The following CD86 variants were observed in gnomAD, a reference collection of about 807,000 sequenced individuals.
CD86 encodes CD86 molecule.
CD86 carries 11 observed loss-of-function variants against 32.1 expected under a neutral mutation model. The observed-to-expected ratio is 0.34, with a 90% CI of 0.22 to 0.57. The LOEUF is 0.57. Among genes scored for constraint, CD86 ranks in the 20% least tolerant of loss-of-function variants. The pLI is 0.86. For missense variants in CD86, 359 were observed against 398.4 expected (o/e 0.90, Z 0.84); for synonymous variants, 137 against 135.3 (o/e 1.01, Z -0.09).
intron 2 of CD86, among the ~76,000 whole-genome samples, chr3:122,102,096 G>A (rs1322765903): frequency 6.6e-6 from 1 of 152,078 alleles, no homozygotes; most frequent in East Asian, 1.9e-4. Context: ...GGGCCACTCT[G>A]TACACAGTTT....
At chr3:122,088,716 C>T (rs1337933858) in intron 1 of CD86, among the ~76,000 whole-genome samples, 1 of 152,152 alleles carries the variant, frequency 6.6e-6, no homozygotes, top group African/African-American at 2.4e-5. Context: ...AGCTCTTGTT[C>T]CAGTTGTCGA....
chr3:122,106,840 G>GCACACACACACACACACA (rs56759758), intron 4 of CD86, among the ~76,000 whole-genome samples: 1,785 of 143,524 alleles, frequency 0.012, 25 homozygotes, highest in Middle Eastern at 0.031. Flanking sequence ...ACATGCGCTT[G>GCACACACACACACACACA]CACACACACA....
chr3:122,056,288 T>C (rs1453904153), intron 1 of CD86, among the ~76,000 whole-genome samples: 2 of 152,192 alleles, frequency 1.3e-5, no homozygotes, highest in African/African-American at 4.8e-5. Flanking sequence ...ACACCCGCCC[T>C]TCTCTTGGGT....
At chr3:122,071,017 G>A (rs2072481989) in intron 1 of CD86, among the ~76,000 whole-genome samples, 3 of 152,110 alleles carry the variant, frequency 2.0e-5, no homozygotes, top group Admixed American at 2.0e-4. Context: ...TGAGCACATA[G>A]TACGAGAATT....
intron 2 of CD86, among the ~76,000 whole-genome samples, chr3:122,102,100 A>G (rs964310325): frequency 2.0e-5 from 3 of 152,050 alleles, no homozygotes; most frequent in Admixed American, 6.6e-5. Context: ...CACTCTGTAC[A>G]CAGTTTAGTT....
chr3:122,106,157 A>G (rs758223232), intron 3 of CD86, 41 bp from the exon 4 acceptor site: 1 of 1,466,884 alleles, frequency 6.8e-7, no homozygotes, highest in East Asian at 2.3e-5. Flanking sequence ...AGATACATCT[A>G]AACTTAGATT....
At chr3:122,081,234 T>C (rs2072629757) in intron 1 of CD86, among the ~76,000 whole-genome samples, 1 of 152,238 alleles carries the variant, frequency 6.6e-6, no homozygotes, top group Non-Finnish European at 1.5e-5. Flanking sequence ...CTTTTCTTAC[T>C]GTCCTGTAAA....
Position 122,106,281 on chromosome 3 carries a change from G to C in CD86, c.484G>C (p.Gly162Arg). The stretch of plus-strand genomic sequence containing the variant: ...AAATTTGACCTGCTCATCTATACAC[G>C]GTTACCCAGAACCTAAGAAGATGAG... ...YINLTCSSIH[G>R]YPEPKKMSVL... Residue 162 changes from glycine to arginine, a missense_variant, in exon 4 of 7, where the codon GGT becomes CGT. Transcript: ENST00000330540. 6.2e-7 allele frequency: 1 copy of C among 1,613,666 alleles called. No homozygotes were observed. Among genetic ancestry groups the C allele is most frequent in the Non-Finnish European group, 8.5e-7 (1 of 1,179,742 alleles).
intron 3 of CD86, among the ~76,000 whole-genome samples, chr3:122,104,433 G>T (rs2073059413): frequency 1.3e-5 from 2 of 152,226 alleles, no homozygotes; most frequent in African/African-American, 4.8e-5. Flanking sequence ...ACGAGACCTT[G>T]GAAGGCCTAA....
intron 3 of CD86, 76 bp downstream of exon 3, chr3:122,103,923 A>AG (rs2073051047): frequency 7.9e-7 from 1 of 1,265,930 alleles, no homozygotes; most frequent in Non-Finnish European, 1.1e-6. Flanking sequence ...AAAACACTGG[A>AG]GGGGGACTTG....
rs376883741 is a variant in CD86, at chr3:122,109,332, T to C, written c.771T>C (p.Ile257=). 1.2e-6 allele frequency: 2 copies of C among 1,614,006 alleles called. No individual in the cohort carries two copies. Among genetic ancestry groups the C allele is most frequent in the Middle Eastern group, 1.6e-4 (1 of 6,062 alleles). The change falls in exon 5 of 7, where the codon ATT becomes ATC. Residue 257 remains isoleucine (I), a synonymous_variant. Coordinates refer to ENST00000330540, the MANE Select transcript of CD86 (RefSeq NM_175862.5). Reference sequence around the variant, plus strand: ...TTACAGCTGTACTTCCAACAGTTATTATATGTGTGATGGTTTTCTGTCTAA... The same window carrying C: ...TTACAGCTGTACTTCCAACAGTTATCATATGTGTGATGGTTTTCTGTCTAA... The part of the protein sequence containing the change: ...PWITAVLPTV[I]ICVMVFCLIL...
rs1457204805 is a variant in CD86 at position 122,109,289 on chromosome 3, C to G, written c.728C>G (p.Pro243Arg). 3 of 1,613,938 alleles carry G rather than the reference C, an allele frequency of 1.9e-6. No individual in the cohort carries two copies. Among genetic ancestry groups the G allele is most frequent in the Admixed American group, 3.3e-5 (2 of 59,996 alleles). The change falls in exon 5 of 7, where the codon CCA (proline) becomes CGA (arginine). Residue 243 changes from proline (P) to arginine (R), a missense_variant. Transcript: ENST00000330540. ...SIELEDPQPP[P>R]DHIPWITAVL... is the part of the protein sequence containing the mutation. ...GAGCTTGAGGACCCTCAGCCTCCCC[C>G]AGACCACATTCCTTGGATTACAGCT...
intron 1 of CD86, among the ~76,000 whole-genome samples, chr3:122,061,305 T>C (rs16832666): frequency 0.017 from 2,643 of 152,314 alleles, 78 homozygotes; most frequent in African/African-American, 0.06. Context: ...GGTACTGTGA[T>C]GAATACAAAT....
chr3:122,082,808 G>A (rs2107518408), intron 1 of CD86, among the ~76,000 whole-genome samples: 1 of 152,238 alleles, frequency 6.6e-6, no homozygotes, highest in Admixed American at 6.5e-5. Flanking sequence ...TGAGCTATCT[G>A]TCTCATTTTG....
chr3:122,101,057 T>C (rs1559909511), intron 2 of CD86, among the ~76,000 whole-genome samples: 1 of 152,110 alleles, frequency 6.6e-6, no homozygotes, highest in Non-Finnish European at 1.5e-5. Flanking sequence ...CTATGGAGTA[T>C]AAATTGCAAA....
chr3:122,112,537 G>A (rs1319254088), intron 5 of CD86, among the ~76,000 whole-genome samples: 3 of 152,092 alleles, frequency 2.0e-5, no homozygotes, highest in Non-Finnish European at 4.4e-5. Context: ...GGATGGTCTC[G>A]ATCTCTTGAC....
At chr3:122,069,045 T>G (rs2107505511) in intron 1 of CD86, among the ~76,000 whole-genome samples, 1 of 152,344 alleles carries the variant, frequency 6.6e-6, no homozygotes, top group Middle Eastern at 3.4e-3. Context: ...TACCTCATGC[T>G]CTTAAGATGG....
At chr3:122,110,648 A>G (rs540439266) in intron 5 of CD86, among the ~76,000 whole-genome samples, 8 of 152,352 alleles carry the variant, frequency 5.3e-5, no homozygotes, top group African/African-American at 1.9e-4. Context: ...AATTAACACA[A>G]AGCATGTGGC....
intron 2 of CD86, among the ~76,000 whole-genome samples, chr3:122,094,935 T>C (rs569472787): frequency 3.9e-5 from 6 of 152,346 alleles, no homozygotes; most frequent in Middle Eastern, 3.4e-3. Context: ...TTTCAAGCTC[T>C]GTTTGCCACT....
Sources: gnomAD v4.1 joint callset for allele counts (sites outside exome capture counted in the v4.1 genomes callset) on GRCh38, gnomAD v4.1.1 for gene constraint, MANE v1.5 for transcripts, NCBI Gene and HGNC (gene_info 2026-07-23, HGNC 2026-07-21) for gene names.